PRKCE: variants seen among roughly 807,000 people sequenced by gnomAD.
The protein encoded by PRKCE is protein kinase C epsilon.
A neutral mutation model predicts 85.4 loss-of-function variants in PRKCE; 16 were observed. The ratio of observed to expected loss-of-function variants is 0.19; its 90% CI spans 0.13 to 0.28. PRKCE has a LOEUF of 0.28. Among genes scored for constraint, PRKCE ranks in the 10% least tolerant of loss-of-function variants. The pLI, the probability that PRKCE is intolerant of heterozygous loss-of-function variation, is 1.00. For synonymous variants in PRKCE, 388 were observed against 371.5 expected (o/e 1.04, Z -0.51); for missense variants, 573 against 975.2 (o/e 0.59, Z 5.49).
At chr2:46,005,717 G>A (rs556326850) in intron 8 of PRKCE, among the ~76,000 whole-genome samples, 4 of 152,260 alleles carry the variant, frequency 2.6e-5, no homozygotes, top group African/African-American at 9.6e-5. Context: ...CGGGGGTCAT[G>A]CACCAGCCCT....
rs1014042114 is a variant in PRKCE at position 45,652,800 on chromosome 2, TTG to T, written c.348+359_348+360del. On this transcript the variant is annotated intron_variant, in intron 1 of 14. Coordinates refer to ENST00000306156, the MANE Select transcript of PRKCE (RefSeq NM_005400.3). This position sits in a 1 kb window ranked among gnomAD's most constrained non-coding sequence, Gnocchi z 7.7. ...CGCGTGGTGGGCTGGCTGTGTGTGA[TTG>T]TGTGTGGGTGGGTCCCTCCGTCCTT... 6.6e-6 allele frequency among the ~76,000 whole-genome samples: 1 copy of T among 152,074 alleles called. No individual in the cohort carries two copies. The highest frequency in any genetic ancestry group is 1.5e-5 in the Non-Finnish European group (1 of 68,008).
intron 2 of PRKCE, among the ~76,000 whole-genome samples, chr2:45,933,863 T>C (rs1490598591): frequency 6.6e-6 from 1 of 152,178 alleles, no homozygotes; most frequent in Non-Finnish European, 1.5e-5. Flanking sequence ...GGCAGCACTG[T>C]AGTAAAATCA....
At chr2:46,103,963 T>C (rs540510354) in intron 11 of PRKCE, among the ~76,000 whole-genome samples, 21 of 152,316 alleles carry the variant, frequency 1.4e-4, no homozygotes, top group Admixed American at 8.5e-4. Context: ...TCATAATTTC[T>C]GTCTGCCTCT....
In PRKCE at chr2:46,159,314, C is replaced by G. The variant is rs561864660; in HGVS notation, c.1921-292C>G. Among the ~76,000 whole-genome samples, 1 of 152,268 alleles carries G rather than the reference C, an allele frequency of 6.6e-6. No individual in the cohort carries two copies. Among genetic ancestry groups the G allele is most frequent in the Admixed American group, 6.5e-5 (1 of 15,286 alleles). ...GGGTGACTTTGGCCAAATTAGCTGA[C>G]CTCTGTGTGCTTCTAGTGCCTCGTT... On this transcript the variant is annotated intron_variant, in intron 13 of 14. Coordinates refer to ENST00000306156, the MANE Select transcript of PRKCE (RefSeq NM_005400.3). This position sits in a 1 kb window ranked among gnomAD's most constrained non-coding sequence, Gnocchi z 4.1.
chr2:46,020,390 C>A (rs1388802963), intron 10 of PRKCE, among the ~76,000 whole-genome samples: 2 of 151,722 alleles, frequency 1.3e-5, no homozygotes. Context: ...ACAGCTCTGA[C>A]TGGGAGCTGG....
intron 1 of PRKCE, among the ~76,000 whole-genome samples, chr2:45,723,760 A>G (rs980775332): frequency 6.6e-6 from 1 of 151,978 alleles, no homozygotes; most frequent in Non-Finnish European, 1.5e-5. Context: ...GCCCACCACC[A>G]CACCCAGCTA....
chr2:45,775,317 G>C (rs1035443460), intron 1 of PRKCE, among the ~76,000 whole-genome samples: 1 of 152,170 alleles, frequency 6.6e-6, no homozygotes, highest in Non-Finnish European at 1.5e-5. Flanking sequence ...ATGTACACAA[G>C]TGTATGCGGA....
chr2:45,738,439 T>A (rs923171505), intron 1 of PRKCE, among the ~76,000 whole-genome samples: 5 of 152,196 alleles, frequency 3.3e-5, no homozygotes, highest in Non-Finnish European at 5.9e-5. Flanking sequence ...CGAAATGCCC[T>A]TCCTCCTCTC....
At chr2:45,953,977 A>T (rs965364724) in intron 2 of PRKCE, among the ~76,000 whole-genome samples, 1 of 152,230 alleles carries the variant, frequency 6.6e-6, no homozygotes, top group Admixed American at 6.5e-5. Context: ...TTTTCCTAAG[A>T]CAACATAAGC....
intron 2 of PRKCE, among the ~76,000 whole-genome samples, chr2:45,953,783 C>A (rs1212332087): frequency 6.6e-6 from 1 of 152,186 alleles, no homozygotes; most frequent in East Asian, 1.9e-4. Context: ...GGGCCACAGG[C>A]GCTGGCTTTC....
chr2:45,716,688 AGAG>A (rs780865733), intron 1 of PRKCE, among the ~76,000 whole-genome samples: 1 of 113,546 alleles, frequency 8.8e-6, no homozygotes, highest in Non-Finnish European at 1.9e-5. Flanking sequence ...AAGAAGAAGA[AGAG>A]AAGGAAGGAA....
intron 1 of PRKCE, among the ~76,000 whole-genome samples, chr2:45,678,988 T>C (rs1676681818): frequency 6.6e-6 from 1 of 152,208 alleles, no homozygotes; most frequent in South Asian, 2.1e-4. Flanking sequence ...AAGGCTTACA[T>C]TGATTTTGAA....
At chr2:45,869,382 T>G (rs1277162695) in intron 2 of PRKCE, among the ~76,000 whole-genome samples, 1 of 152,212 alleles carries the variant, frequency 6.6e-6, no homozygotes, top group Non-Finnish European at 1.5e-5. Flanking sequence ...TTAAAACTGT[T>G]TGTGACACTG....
intron 14 of PRKCE, among the ~76,000 whole-genome samples, chr2:46,181,742 G>T (rs1196222169): frequency 6.6e-6 from 1 of 152,208 alleles, no homozygotes; most frequent in African/African-American, 2.4e-5. Context: ...AGTGCCAGAG[G>T]GCTTACAGAT....
At chr2:45,702,658 A>G (rs1678744259) in intron 1 of PRKCE, among the ~76,000 whole-genome samples, 1 of 152,222 alleles carries the variant, frequency 6.6e-6, no homozygotes, top group Non-Finnish European at 1.5e-5. Flanking sequence ...AGTGATATCT[A>G]AATCACTATT....
chr2:46,033,715 T>C (rs1029765220), intron 10 of PRKCE, among the ~76,000 whole-genome samples: 10 of 152,122 alleles, frequency 6.6e-5, no homozygotes, highest in Admixed American at 2.0e-4. Context: ...TCCTCAAAAG[T>C]GTACGTATGA....
At chr2:45,903,881 G>GTTTTTTTTTTTTT (rs34124689) in intron 2 of PRKCE, among the ~76,000 whole-genome samples, 24 of 117,186 alleles carry the variant, frequency 2.0e-4, no homozygotes, top group African/African-American at 4.4e-4. Context: ...TAGCCTGGCA[G>GTTTTTTTTTTTTT]TTTTTTTTTG....
At chr2:45,983,946 T>TG (rs985941658) in intron 5 of PRKCE, among the ~76,000 whole-genome samples, 1 of 150,452 alleles carries the variant, frequency 6.6e-6, no homozygotes, top group Non-Finnish European at 1.5e-5. Flanking sequence ...AATTTTTTTT[T>TG]TTTTTTTTTG....
At chr2:45,988,012 T>A (rs1420757084) in intron 6 of PRKCE, among the ~76,000 whole-genome samples, 2 of 152,160 alleles carry the variant, frequency 1.3e-5, no homozygotes, top group South Asian at 2.1e-4. Context: ...CCCGAGCAAG[T>A]CCCTATGAAG....
Sources: allele counts gnomAD v4.1 joint callset (sites outside exome capture counted in the v4.1 genomes callset), GRCh38; gene constraint gnomAD v4.1.1; non-coding constraint Gnocchi (gnomAD v3.1); transcripts MANE v1.5; gene names NCBI Gene and HGNC (gene_info 2026-07-23, HGNC 2026-07-21).